PARD3: variants seen among roughly 807,000 people sequenced by gnomAD.
PARD3 encodes partitioning defective 3 homolog.
PARD3 carries 75 observed loss-of-function variants against 155.4 expected under a neutral mutation model. The ratio of observed to expected loss-of-function variants is 0.48; its 90% confidence interval spans 0.40 to 0.58. The LOEUF (loss-of-function observed/expected upper bound fraction) is 0.58, where lower values mean the gene tolerates loss of function less well. PARD3 is among the 20% of genes least tolerant of loss of function. The pLI, the probability that PARD3 is intolerant of heterozygous loss-of-function variation, is 0.00. For missense variants in PARD3, 1,642 were observed against 1,721.7 expected, an observed-to-expected ratio of 0.95 and a Z score of 0.82; for synonymous variants, 576 against 610.5, an observed-to-expected ratio of 0.94 and a Z score of 0.83.
At chr10:34,273,304 A>G (rs2133874182) in intron 21 of PARD3, among the ~76,000 whole-genome samples, 1 of 152,354 alleles carries the variant, frequency 6.6e-6, no homozygotes, top group South Asian at 2.1e-4. Flanking sequence ...AACATTACTC[A>G]GCTGTACAAA....
At chr10:34,652,112 C>G (rs566848573) in intron 2 of PARD3, among the ~76,000 whole-genome samples, 36 of 152,302 alleles carry the variant, frequency 2.4e-4, no homozygotes, top group African/African-American at 8.2e-4. Context: ...ACTATGCTTC[C>G]CGTGCTACAT....
intron 22 of PARD3, among the ~76,000 whole-genome samples, chr10:34,188,946 C>T (rs1462358179): frequency 1.3e-5 from 2 of 152,124 alleles, no homozygotes; most frequent in African/African-American, 4.8e-5. Context: ...CAGTCAGTCC[C>T]ATGGCTCCCA....
rs1564528066 is a variant in PARD3, at chr10:34,261,761, G to GA, written c.3419+7895dup. On this transcript the variant is annotated intron_variant, in intron 22 of 24. Coordinates refer to ENST00000374788, the MANE Select transcript of PARD3 (RefSeq NM_001184785.2). ...GAAAGGAAGAAAGGAAGGAAGAAAG[G>GA]AAGGAAGGAAGAAAGAAAGAAAAGA... Among the ~76,000 whole-genome samples, 29 of 40,358 alleles carry GA rather than the reference G, an allele frequency of 7.2e-4. 1 individual carries two copies. The highest frequency in any genetic ancestry group is 1.9e-3 in the African/African-American group (29 of 15,412). The allele number at this position is 40,358 out of a possible 152,430, so 26.5% of individuals were successfully genotyped here.
chr10:34,178,411 G>A (rs889791659), intron 22 of PARD3, among the ~76,000 whole-genome samples: 2 of 152,168 alleles, frequency 1.3e-5, no homozygotes, highest in Middle Eastern at 3.2e-3. Context: ...CAAAGACGGA[G>A]GTGCCAACAT....
intron 1 of PARD3, among the ~76,000 whole-genome samples, chr10:34,715,039 T>C (rs887878499): frequency 1.3e-5 from 2 of 151,182 alleles, no homozygotes; most frequent in Non-Finnish European, 2.9e-5. Flanking sequence ...CCCAAAGTGC[T>C]GGGATTACAG....
At chr10:34,524,945 G>C (rs1052994096) in intron 2 of PARD3, among the ~76,000 whole-genome samples, 1 of 152,084 alleles carries the variant, frequency 6.6e-6, no homozygotes, top group African/African-American at 2.4e-5. Flanking sequence ...TTATTACGTA[G>C]ACACAACAAA....
At chr10:34,812,507 T>A (rs1844315585) in intron 1 of PARD3, among the ~76,000 whole-genome samples, 1 of 152,142 alleles carries the variant, frequency 6.6e-6, no homozygotes, top group Non-Finnish European at 1.5e-5. Flanking sequence ...TCACTTAATA[T>A]AGAATGGGAA....
At chr10:34,765,092 T>C (rs1837918269) in intron 1 of PARD3, among the ~76,000 whole-genome samples, 2 of 152,092 alleles carry the variant, frequency 1.3e-5, no homozygotes, top group South Asian at 4.2e-4. Context: ...GTAAACATAG[T>C]ATTGAGAGAA....
At chr10:34,247,988 T>G (rs1954067442) in intron 22 of PARD3, among the ~76,000 whole-genome samples, 1 of 152,220 alleles carries the variant, frequency 6.6e-6, no homozygotes, top group Admixed American at 6.5e-5. Flanking sequence ...TCCTACACAT[T>G]TTTAGGCATC....
intron 5 of PARD3, among the ~76,000 whole-genome samples, chr10:34,433,983 A>C (rs2076072053): frequency 6.6e-6 from 1 of 152,208 alleles, no homozygotes; most frequent in African/African-American, 2.4e-5. Context: ...ACATAATTAA[A>C]ATGAAATTTG....
chr10:34,614,130 T>C (rs1271275178), intron 2 of PARD3, among the ~76,000 whole-genome samples: 3 of 152,146 alleles, frequency 2.0e-5, no homozygotes. Flanking sequence ...ACTGTAAAAA[T>C]GTATTCCTTC....
intron 5 of PARD3, 30 bp from the exon 6 acceptor site, chr10:34,401,947 ACT>A (rs1391597186): frequency 6.6e-7 from 1 of 1,510,216 alleles, no homozygotes. Context: ...AGAAAAGTAC[ACT>A]CTGTGTTAGG....
At chr10:34,519,820 AATAACATAACATAACATAACATAAC>A (rs59584708) in intron 2 of PARD3, among the ~76,000 whole-genome samples, 73 of 133,964 alleles carry the variant, frequency 5.4e-4, no homozygotes, top group Non-Finnish European at 6.8e-4. Context: ...TCTCAAAATA[AATAACATAACATAACATAACATAAC>A]ATAACATAAC....
chr10:34,356,570 A>C (rs1159738913), intron 14 of PARD3, among the ~76,000 whole-genome samples: 1 of 152,238 alleles, frequency 6.6e-6, no homozygotes, highest in Admixed American at 6.5e-5. Flanking sequence ...TGGACTATAC[A>C]GCTGATTAAA....
Position 34,401,925 on chromosome 10 carries a change from C to G in PARD3, c.715-8G>C, listed in dbSNP as rs1211867276. ...TTCTGTCCCATCCTCATCCTAGAGG[C>G]AGCCAACACAAAGAAAAGTACACTC... On this transcript the variant is annotated splice_region_variant and splice_polypyrimidine_tract_variant and intron_variant, in intron 5 of 24. Transcript: ENST00000374788. 2 of 1,606,330 alleles carry G rather than the reference C, an allele frequency of 1.2e-6. No homozygotes were observed. The highest frequency in any genetic ancestry group is 8.5e-7 in the Non-Finnish European group (1 of 1,172,996).
chr10:34,773,489 G>T (rs1053728441), intron 1 of PARD3, among the ~76,000 whole-genome samples: 5 of 152,170 alleles, frequency 3.3e-5, no homozygotes, highest in African/African-American at 1.2e-4. Context: ...TATTACAGAG[G>T]ACTGCAAGGG....
chr10:34,462,375 C>T (rs1195992722), intron 4 of PARD3, among the ~76,000 whole-genome samples: 1 of 152,112 alleles, frequency 6.6e-6, no homozygotes, highest in African/African-American at 2.4e-5. Flanking sequence ...GCCAACTGGT[C>T]AAGTGTATTT....
chr10:34,285,297 C>T (rs554375066), intron 20 of PARD3, among the ~76,000 whole-genome samples: 150 of 152,288 alleles, frequency 9.8e-4, no homozygotes, highest in African/African-American at 3.2e-3. Flanking sequence ...CAGTGGTTCA[C>T]GCCTGTAATT....
At chr10:34,233,382 A>G (rs1010273652) in intron 22 of PARD3, among the ~76,000 whole-genome samples, 1 of 151,892 alleles carries the variant, frequency 6.6e-6, no homozygotes, top group African/African-American at 2.4e-5. Context: ...GGAGATTCCC[A>G]AGGGCTCAGA....
Sources: gnomAD v4.1 joint callset for allele counts (sites outside exome capture counted in the v4.1 genomes callset) on GRCh38, gnomAD v4.1.1 for gene constraint, MANE v1.5 for transcripts, NCBI Gene and HGNC (gene_info 2026-07-23, HGNC 2026-07-21) for gene names.